The following SUGCT variants were observed in gnomAD, a reference collection of about 807,000 sequenced individuals.
SUGCT encodes the protein succinyl-CoA:glutarate CoA-transferase.
In SUGCT, 41 loss-of-function variants were observed where a neutral mutation model predicts 55.0. The ratio of observed to expected loss-of-function variants is 0.74; its 90% CI spans 0.58 to 0.97. SUGCT has a LOEUF of 0.97. Among genes scored for constraint, SUGCT ranks in the 50% least tolerant of loss-of-function variants. The pLI is 0.00. For synonymous variants in SUGCT, 187 were observed against 200.4 expected, an observed-to-expected ratio of 0.93 and a Z score of 0.56; for missense variants, 568 against 547.8, an observed-to-expected ratio of 1.04 and a Z score of -0.37.
chr7:40,745,531 G>A (rs995410147), intron 12 of SUGCT, among the ~76,000 whole-genome samples: 4 of 152,058 alleles, frequency 2.6e-5, no homozygotes, highest in African/African-American at 4.8e-5. Context: ...TCTGTAAAAC[G>A]CTTGAGAAAG....
intron 8 of SUGCT, among the ~76,000 whole-genome samples, chr7:40,283,415 G>A (rs1403791578): frequency 1.3e-5 from 2 of 151,960 alleles, no homozygotes; most frequent in African/African-American, 4.8e-5. Context: ...TTTTGGTAGC[G>A]ACGGGGTTCC....
intron 12 of SUGCT, among the ~76,000 whole-genome samples, chr7:40,601,496 T>C (rs544292597): frequency 1.3e-5 from 2 of 152,356 alleles, no homozygotes; most frequent in African/African-American, 4.8e-5. Context: ...GTGGAAATAC[T>C]TACATGAACC....
intron 12 of SUGCT, among the ~76,000 whole-genome samples, chr7:40,712,732 C>A (rs1037709384): frequency 6.6e-6 from 1 of 152,260 alleles, no homozygotes; most frequent in African/African-American, 2.4e-5. Flanking sequence ...GATGGAGTCT[C>A]TTACCTGAGG....
intron 12 of SUGCT, among the ~76,000 whole-genome samples, chr7:40,544,335 T>G (rs967345245): frequency 1.3e-5 from 2 of 152,134 alleles, no homozygotes; most frequent in African/African-American, 4.8e-5. Flanking sequence ...GAAAGCTCAC[T>G]GTGCCGCAAG....
the SUGCT span, among the ~76,000 whole-genome samples, chr7:40,908,382 C>CA: frequency 0.36 from 29,904 of 82,210 alleles, 4,268 homozygotes; most frequent in East Asian, 0.4. Context: ...GACTCTGTCT[C>CA]AAAAAAAAAA....
chr7:40,374,514 A>T (rs889493014), intron 9 of SUGCT, among the ~76,000 whole-genome samples: 4 of 152,096 alleles, frequency 2.6e-5, no homozygotes, highest in African/African-American at 9.7e-5. Context: ...TTCTGGGAGG[A>T]ATTGTTCTTG....
chr7:40,574,201 C>T (rs1796600919), intron 12 of SUGCT, among the ~76,000 whole-genome samples: 1 of 152,164 alleles, frequency 6.6e-6, no homozygotes, highest in Non-Finnish European at 1.5e-5. Flanking sequence ...TCTCTCTACT[C>T]CAGCAAGCCT....
At chr7:40,694,680 T>G (rs1584287366) in intron 12 of SUGCT, among the ~76,000 whole-genome samples, 2 of 152,210 alleles carry the variant, frequency 1.3e-5, no homozygotes, top group East Asian at 3.9e-4. Flanking sequence ...TTGCCCCTGG[T>G]TAAGTCAATG....
At chr7:41,023,028 G>A in the SUGCT span, among the ~76,000 whole-genome samples, 1 of 152,172 alleles carries the variant, frequency 6.6e-6, no homozygotes, top group South Asian at 2.1e-4. Flanking sequence ...GCCTACCCCA[G>A]GAGTGAAGTG....
At chr7:40,886,847 A>G in the SUGCT span, among the ~76,000 whole-genome samples, 1 of 152,252 alleles carries the variant, frequency 6.6e-6, no homozygotes, top group African/African-American at 2.4e-5. Flanking sequence ...TTGGAAGGAC[A>G]GGCCCAGAAA....
Position 40,538,126 on chromosome 7 carries a change from CTG to C in SUGCT, c.1089+41743_1089+41744del, listed in dbSNP as rs368218581. On this transcript the variant is annotated intron_variant, in intron 12 of 13. Transcript: ENST00000335693. The stretch of plus-strand genomic sequence containing the variant: ...TAATTCATAAATATTATACCATAAA[CTG>C]TGCTTTAGGTAGTCCAGTTTTATTG... The C allele has an allele frequency of 1.8e-3, 271 of 152,234 alleles. 2 individuals are homozygous for C. Among genetic ancestry groups the C allele is most frequent in the African/African-American group, 6.2e-3 (257 of 41,536 alleles). 9.4% of individuals were successfully genotyped at this position (152,234 alleles called of 1,614,324 possible). A position where few individuals can be genotyped will look rare whatever the true frequency, so the allele number is the denominator to read the frequency against.
At chr7:40,628,119 G>T (rs1018514603) in intron 12 of SUGCT, among the ~76,000 whole-genome samples, 2 of 152,128 alleles carry the variant, frequency 1.3e-5, no homozygotes, top group African/African-American at 2.4e-5. Flanking sequence ...AATATGATAT[G>T]CAATAAGATA....
intron 9 of SUGCT, among the ~76,000 whole-genome samples, chr7:40,363,127 T>C (rs1325368449): frequency 2.0e-5 from 3 of 152,122 alleles, no homozygotes; most frequent in Non-Finnish European, 4.4e-5. Flanking sequence ...TCTCTGATGG[T>C]AGTTTGTATT....
intron 13 of SUGCT, among the ~76,000 whole-genome samples, chr7:40,792,517 A>G (rs550447667): frequency 6.6e-6 from 1 of 152,258 alleles, no homozygotes; most frequent in South Asian, 2.1e-4. Flanking sequence ...TTGACCAGCA[A>G]CCTATTAATT....
Position 40,570,258 on chromosome 7 carries a change from T to C in SUGCT, c.1089+73872T>C, listed in dbSNP as rs142820355. 2.9e-3 allele frequency among the ~76,000 whole-genome samples: 443 copies of C among 152,324 alleles called. 3 individuals are homozygous for C. The highest frequency in any genetic ancestry group is 9.8e-3 in the African/African-American group (408 of 41,568). On this transcript the variant is annotated intron_variant, in intron 12 of 13. Transcript: ENST00000335693. ...ATTAATTTTCCTGGAGGACACAGGG[T>C]TAACATATTTTTTCATTTATTTATT...
chr7:40,887,935 G>A, the SUGCT span, among the ~76,000 whole-genome samples: 2 of 152,144 alleles, frequency 1.3e-5, no homozygotes, highest in African/African-American at 2.4e-5. Flanking sequence ...GGCTCAGCAG[G>A]GTCAGGTGCC....
chr7:40,377,487 C>T (rs1784663684), intron 9 of SUGCT, among the ~76,000 whole-genome samples: 1 of 151,728 alleles, frequency 6.6e-6, no homozygotes, highest in African/African-American at 2.4e-5. Context: ...AGGTGATCCA[C>T]CTGCCTCGGC....
At chr7:40,620,976 C>A (rs556174658) in intron 12 of SUGCT, among the ~76,000 whole-genome samples, 1 of 152,190 alleles carries the variant, frequency 6.6e-6, no homozygotes, top group South Asian at 2.1e-4. Flanking sequence ...GGCAAACCAC[C>A]ATGATAAACA....
At chr7:40,593,497 C>T (rs1290911730) in intron 12 of SUGCT, among the ~76,000 whole-genome samples, 3 of 152,068 alleles carry the variant, frequency 2.0e-5, no homozygotes, top group African/African-American at 4.8e-5. Flanking sequence ...TTTGAGAACA[C>T]TCTAATAAAA....
Sources: gnomAD v4.1 joint callset for allele counts (sites outside exome capture counted in the v4.1 genomes callset) on GRCh38, gnomAD v4.1.1 for gene constraint, MANE v1.5 for transcripts, NCBI Gene and HGNC (gene_info 2026-07-23, HGNC 2026-07-21) for gene names.